The following UNC13C variants were observed in gnomAD, a reference collection of about 807,000 sequenced individuals.
UNC13C encodes unc-13 homolog C, also known as protein unc-13 homolog C.
In UNC13C, 174 loss-of-function variants were observed where a neutral mutation model predicts 245.4. That is an observed-to-expected ratio of 0.71 (90% CI 0.63 to 0.80). UNC13C has a LOEUF of 0.80. Ranked by LOEUF, UNC13C falls within the 30% of genes least tolerant of loss-of-function variation. UNC13C has a pLI of 0.00. For synonymous variants in UNC13C, 992 were observed against 895.1 expected, an observed-to-expected ratio of 1.11 and a Z score of -1.93; for missense variants, 2,829 against 2,602.9, an observed-to-expected ratio of 1.09 and a Z score of -1.89.
chr15:54,264,141 A>T, intron 8 of UNC13C, 27 bp from the exon 9 acceptor site: 1 of 1,551,784 alleles, frequency 6.4e-7, no homozygotes. Flanking sequence ...ATTTCCATTC[A>T]CATCACCATT....
chr15:54,099,294 GA>G (rs983399102), intron 2 of UNC13C, among the ~76,000 whole-genome samples: 13 of 152,030 alleles, frequency 8.6e-5, no homozygotes, highest in Non-Finnish European at 1.3e-4. Context: ...TTCTCCCATG[GA>G]AAAAGCCAGG....
At chr15:53,964,539 A>G in the UNC13C span, among the ~76,000 whole-genome samples, 4 of 152,194 alleles carry the variant, frequency 2.6e-5, no homozygotes, top group Non-Finnish European at 4.4e-5. Flanking sequence ...TATAAGGTGA[A>G]ATATTAGGTT....
intron 18 of UNC13C, among the ~76,000 whole-genome samples, chr15:54,402,038 G>A (rs146198757): frequency 2.2e-4 from 33 of 149,916 alleles, no homozygotes; most frequent in Non-Finnish European, 4.6e-4. Flanking sequence ...TTTCAATATA[G>A]TTGCAGTTTG....
Position 54,298,073 on chromosome 15 carries a change from G to C in UNC13C, c.4104+147G>C, listed in dbSNP as rs796440871. 9.6e-6 allele frequency: 6 copies of C among 625,282 alleles called. No individual in the cohort carries two copies. The African/African-American group carries it at 1.1e-4, about 12-fold the overall frequency. 38.7% of individuals were successfully genotyped at this position (625,282 alleles called of 1,614,324 possible). ...TATACTACAGCAGGTGATATACTAA[G>C]ATATCATAAATTCTATGTGTTGTAT... is the stretch of plus-strand genomic sequence containing the variant. On this transcript the variant is annotated intron_variant, in intron 12 of 32. Transcript: ENST00000260323.
intron 4 of UNC13C, among the ~76,000 whole-genome samples, chr15:54,183,794 G>C (rs1337507474): frequency 2.0e-5 from 3 of 149,526 alleles, no homozygotes; most frequent in African/African-American, 2.5e-5. Context: ...AGTCATTGCA[G>C]ACAGTATTAA....
intron 4 of UNC13C, among the ~76,000 whole-genome samples, chr15:54,163,828 T>A (rs1018898978): frequency 6.6e-6 from 1 of 152,194 alleles, no homozygotes; most frequent in Admixed American, 6.5e-5. Flanking sequence ...GAAATAATTA[T>A]AGTGTTTTCA....
At chr15:53,868,938 A>G in the UNC13C span, among the ~76,000 whole-genome samples, 1 of 152,128 alleles carries the variant, frequency 6.6e-6, no homozygotes, top group African/African-American at 2.4e-5. Context: ...GCAAAATGGC[A>G]AAACACCATG....
chr15:54,157,259 C>T (rs945386315), intron 4 of UNC13C, among the ~76,000 whole-genome samples: 4 of 152,154 alleles, frequency 2.6e-5, no homozygotes, highest in African/African-American at 7.2e-5. Context: ...CAAAGAACTT[C>T]GAATTAGAAG....
intron 2 of UNC13C, among the ~76,000 whole-genome samples, chr15:54,106,517 A>C (rs931539391): frequency 6.6e-6 from 1 of 152,224 alleles, no homozygotes; most frequent in Non-Finnish European, 1.5e-5. Flanking sequence ...GTAACACTTA[A>C]GTATCATTTC....
chr15:54,186,843 ATG>A (rs10590009), intron 4 of UNC13C, among the ~76,000 whole-genome samples: 16,208 of 144,618 alleles, frequency 0.11, 2,386 homozygotes, highest in African/African-American at 0.26. Flanking sequence ...CATAATATAT[ATG>A]TATATATATA....
intron 4 of UNC13C, among the ~76,000 whole-genome samples, chr15:54,211,376 A>G (rs1462544504): frequency 6.6e-6 from 1 of 152,166 alleles, no homozygotes; most frequent in Non-Finnish European, 1.5e-5. Context: ...TTACTGGGAT[A>G]TTAGCAAGAG....
intron 18 of UNC13C, among the ~76,000 whole-genome samples, chr15:54,394,900 C>T (rs1298869957): frequency 6.6e-6 from 1 of 151,692 alleles, no homozygotes; most frequent in Non-Finnish European, 1.5e-5. Flanking sequence ...GGAATAAATA[C>T]GTTTATTTAT....
At chr15:53,903,839 TACATAG>T in the UNC13C span, among the ~76,000 whole-genome samples, 1 of 350 alleles carries the variant, frequency 2.9e-3, no homozygotes, top group Non-Finnish European at 8.6e-3. Flanking sequence ...TTCTGACAGC[TACATAG>T]CTACATTGGT....
intron 7 of UNC13C, among the ~76,000 whole-genome samples, chr15:54,240,668 A>T (rs574553872): frequency 6.6e-6 from 1 of 152,202 alleles, no homozygotes; most frequent in South Asian, 2.1e-4. Context: ...CACCTTACCC[A>T]TGAGGCGCTA....
At position 54,145,371 on chromosome 15, in the gene UNC13C, G is replaced by T. The variant is rs540710475; in HGVS notation, c.3071+1687G>T. 2.6e-5 allele frequency among the ~76,000 whole-genome samples: 4 copies of T among 152,114 alleles called. No homozygotes were observed. In the East Asian group the frequency reaches 7.7e-4, roughly 29 times the overall value. On this transcript the variant is annotated intron_variant, in intron 4 of 32. Transcript: ENST00000260323. ...AAAGCTCCTACAAATTAATATATAT[G>T]TATCGTTTTTATTTTGATGTTTCCA...
chr15:54,518,323 C>G (rs7180034), intron 24 of UNC13C, among the ~76,000 whole-genome samples: 10,167 of 152,102 alleles, frequency 0.067, 658 homozygotes, highest in African/African-American at 0.17. Flanking sequence ...AATACAGACC[C>G]AGGCAGGTGA....
In UNC13C at chr15:54,533,004, G is replaced by C; in HGVS notation, c.5634G>C (p.Lys1878Asn). The C allele has an allele frequency of 6.2e-7, 1 of 1,601,212 alleles. No individual in the cohort carries two copies. The highest frequency in any genetic ancestry group is 1.1e-5 in the South Asian group (1 of 88,844). The change falls in exon 26 of 33, where the codon AAG becomes AAC. Residue 1878 changes from lysine to asparagine, a missense_variant. Transcript: ENST00000260323. ...CAAATGGAAACACCACATCTAATAA[G>C]AACAGTGCAGCAATGGATGCAGAGA... The part of the protein sequence containing the change: ...MRANGNTTSN[K>N]NSAAMDAEIV...
At position 54,014,265 on chromosome 15, in the gene UNC13C, A is replaced by G; in HGVS notation, c.1362A>G (p.Glu454=). The G allele has an allele frequency of 6.2e-7, 1 of 1,613,940 alleles. No homozygotes were observed. Among genetic ancestry groups the G allele is most frequent in the Admixed American group, 1.7e-5 (1 of 60,000 alleles). The part of the protein sequence containing the change: ...NNWQSPDDSD[E]DLESDLNRNS... ...GGCAGTCACCTGATGACAGTGATGA[A>G]GATCTTGAATCTGACCTCAATAGAA... is the stretch of plus-strand genomic sequence containing the variant. The change falls in exon 2 of 33, where the codon GAA becomes GAG. Residue 454 remains glutamate, a synonymous_variant. Transcript: ENST00000260323.
At chr15:54,571,256 T>C (rs2141222498) in intron 30 of UNC13C, among the ~76,000 whole-genome samples, 1 of 152,316 alleles carries the variant, frequency 6.6e-6, no homozygotes, top group Non-Finnish European at 1.5e-5. Context: ...CTCACAATCA[T>C]GGCAGAAGAC....
Sources: allele counts gnomAD v4.1 joint callset (sites outside exome capture counted in the v4.1 genomes callset), GRCh38; gene constraint gnomAD v4.1.1; transcripts MANE v1.5; gene names NCBI Gene and HGNC (gene_info 2026-07-23, HGNC 2026-07-21).